Variants in SCN1A observed in about 807,000 individuals in gnomAD.
SCN1A encodes sodium voltage-gated channel alpha subunit 1, also known as sodium channel protein type 1 subunit alpha.
Under a neutral mutation model 193.7 loss-of-function variants are expected in SCN1A, and 13 were observed. The ratio of observed to expected loss-of-function variants is 0.07; its 90% CI spans 0.04 to 0.11. SCN1A has a LOEUF of 0.11. SCN1A is among the 10% of genes least tolerant of loss of function. SCN1A has a pLI of 1.00. For synonymous variants in SCN1A, 781 were observed against 843.6 expected, an observed-to-expected ratio of 0.93 and a Z score of 1.29; for missense variants, 1,432 against 2,451.1, an observed-to-expected ratio of 0.58 and a Z score of 8.78.
intron 21 of SCN1A, among the ~76,000 whole-genome samples, 165 bp downstream of exon 21, chr2:166,013,578 GT>G (rs1692829418): frequency 6.7e-6 from 1 of 149,282 alleles, no homozygotes; most frequent in South Asian, 2.1e-4. Context: ...CATAGTAAAA[GT>G]TAATCCAGAA....
Position 166,009,833 on chromosome 2 carries a change from C to T in SCN1A, c.3888G>A (p.Leu1296=), listed in dbSNP as rs998325208. ...CCAAGGCATTTGCTGTTAAACTGAC[C>T]AATGAAACCTGCACACACAAAAATA... ...WLDFLIVDVS[L]VSLTANALGY... is the part of the protein sequence containing the mutation. The change falls in exon 23 of 29, where the codon TTG becomes TTA. Residue 1296 remains leucine, a synonymous_variant. Transcript: ENST00000674923. 3.1e-6 allele frequency: 5 copies of T among 1,606,056 alleles called. No individual in the cohort carries two copies. The highest frequency in any genetic ancestry group is 3.4e-5 in the Admixed American group (2 of 59,546).
chr2:166,012,897 A>G (rs563655254), intron 21 of SCN1A, among the ~76,000 whole-genome samples: 8 of 151,318 alleles, frequency 5.3e-5, no homozygotes, highest in South Asian at 2.1e-4. Flanking sequence ...CTAAGTATGC[A>G]TTCCTTTCAA....
intron 25 of SCN1A, among the ~76,000 whole-genome samples, chr2:165,998,670 T>G (rs1401502807): frequency 6.6e-6 from 1 of 151,380 alleles, no homozygotes; most frequent in Admixed American, 6.6e-5. Context: ...GACAGTCCAT[T>G]TTATAAATCC....
Position 166,013,804 on chromosome 2 carries a change from A to G in SCN1A, c.3645T>C (p.Val1215=), listed in dbSNP as rs2105610335. The G allele has an allele frequency of 6.2e-7, 1 of 1,612,354 alleles. No individual in the cohort carries two copies. Among genetic ancestry groups the G allele is most frequent in the East Asian group, 2.2e-5 (1 of 44,828 alleles). Residue 1215 remains valine (V), a synonymous_variant, in exon 21 of 29, where the codon GTT becomes GTC. Transcript: ENST00000674923. ...TGAAGGTCTCAAACCAGTTATGTTC[A>G]ACTATTCGGAAACACGTCCTTCTCA... is the stretch of plus-strand genomic sequence containing the variant. The part of the protein sequence containing the change: ...WNLRRTCFRI[V]EHNWFETFIV...
At chr2:166,055,128 A>G (rs1463904977) in intron 6 of SCN1A, among the ~76,000 whole-genome samples, 1 of 151,840 alleles carries the variant, frequency 6.6e-6, no homozygotes, top group Admixed American at 6.6e-5. Context: ...ATTTTCTTTT[A>G]GGGAAAAAAA....
intron 10 of SCN1A, among the ~76,000 whole-genome samples, chr2:166,047,974 T>C (rs1331044247): frequency 6.6e-6 from 1 of 152,166 alleles, no homozygotes; most frequent in Non-Finnish European, 1.5e-5. Context: ...GCAGCATTTC[T>C]AATAATATTT....
intron 2 of SCN1A, among the ~76,000 whole-genome samples, chr2:166,118,298 G>GCTTCTTCTTTTT (rs371947861): frequency 6.7e-5 from 3 of 44,696 alleles, no homozygotes; most frequent in African/African-American, 2.2e-4. Flanking sequence ...TTTCTATTTA[G>GCTTCTTCTTTTT]TTTCTTTTTT....
chr2:165,992,910 A>G lies in SCN1A; in HGVS notation c.4853-488T>C, dbSNP rs1689458479. 6.5e-6 allele frequency: 1 copy of G among 153,216 alleles called. No individual in the cohort carries two copies. Among genetic ancestry groups the G allele is most frequent in the Admixed American group, 6.6e-5 (1 of 15,238 alleles). 9.5% of individuals were successfully genotyped at this position (153,216 alleles called of 1,614,324 possible). On this transcript the variant is annotated intron_variant, in intron 28 of 28. Coordinates refer to ENST00000674923, the MANE Select transcript of SCN1A (RefSeq NM_001165963.4). This position sits in a 1 kb window ranked among gnomAD's most constrained non-coding sequence, Gnocchi z 6.5. ...TTGGTACTTACTTAAATTCCACTCT[A>G]ATATTTTTATATACTCATTTATGTA...
chr2:166,030,838 A>G (rs1695462430), intron 19 of SCN1A, among the ~76,000 whole-genome samples: 1 of 152,082 alleles, frequency 6.6e-6, no homozygotes, highest in African/African-American at 2.4e-5. Flanking sequence ...GAGGATAGAA[A>G]TGTTATAAAA....
intron 19 of SCN1A, among the ~76,000 whole-genome samples, chr2:166,022,891 G>T (rs1349205262): frequency 6.6e-6 from 1 of 152,070 alleles, no homozygotes; most frequent in East Asian, 1.9e-4. Flanking sequence ...TTATACTCAG[G>T]TTTTTTACTA....
chr2:166,032,096 A>G (rs909453079), intron 19 of SCN1A, among the ~76,000 whole-genome samples: 1 of 152,006 alleles, frequency 6.6e-6, no homozygotes, highest in Non-Finnish European at 1.5e-5. Context: ...TGGAAACAAT[A>G]ACATGTTCAA....
At chr2:166,107,186 T>C (rs1011528116) in intron 2 of SCN1A, among the ~76,000 whole-genome samples, 2 of 152,176 alleles carry the variant, frequency 1.3e-5, no homozygotes, top group Non-Finnish European at 2.9e-5. Flanking sequence ...GCAAGTAATC[T>C]TCGAATTCAC....
chr2:166,013,965 C>A, intron 20 of SCN1A, 67 bp from the exon 21 acceptor site: 1 of 1,564,768 alleles, frequency 6.4e-7, no homozygotes, highest in South Asian at 1.1e-5. Context: ...TTAGCAATGT[C>A]CTTGTCTTGT....
intron 19 of SCN1A, among the ~76,000 whole-genome samples, chr2:166,016,941 T>A (rs1354643733): frequency 6.6e-6 from 1 of 151,230 alleles, no homozygotes; most frequent in Non-Finnish European, 1.5e-5. Flanking sequence ...GTGTTGATAT[T>A]TCAGTAAAAG....
At chr2:166,040,881 G>A (rs1433602322) in intron 16 of SCN1A, among the ~76,000 whole-genome samples, 1 of 152,168 alleles carries the variant, frequency 6.6e-6, no homozygotes, top group Non-Finnish European at 1.5e-5. Flanking sequence ...AAGGATAAAA[G>A]AGATCCACAA....
At chr2:166,011,592 C>T (rs1692463038) in intron 22 of SCN1A, among the ~76,000 whole-genome samples, 2 of 151,166 alleles carry the variant, frequency 1.3e-5, no homozygotes, top group South Asian at 4.1e-4. Context: ...CTATTTAAAT[C>T]TACTCTTTAA....
At chr2:166,034,255 G>A (rs1471289291) in intron 19 of SCN1A, among the ~76,000 whole-genome samples, 1 of 152,018 alleles carries the variant, frequency 6.6e-6, no homozygotes, top group Non-Finnish European at 1.5e-5. Context: ...CTAGGGTCAG[G>A]GCAGCTGCTT....
intron 19 of SCN1A, among the ~76,000 whole-genome samples, chr2:166,031,736 T>C (rs1695590492): frequency 6.6e-6 from 1 of 152,142 alleles, no homozygotes; most frequent in Admixed American, 6.6e-5. Context: ...CCAGATATTC[T>C]ATATTAATTA....
chr2:166,108,112 C>A (rs1302086377), intron 2 of SCN1A, among the ~76,000 whole-genome samples: 1 of 151,792 alleles, frequency 6.6e-6, no homozygotes, highest in African/African-American at 2.4e-5. Flanking sequence ...TAATAAAAAA[C>A]CCCAAAGAAC....
Sources: gnomAD v4.1 joint callset for allele counts (sites outside exome capture counted in the v4.1 genomes callset) on GRCh38, gnomAD v4.1.1 for gene constraint, Gnocchi (gnomAD v3.1) non-coding constraint, MANE v1.5 for transcripts, NCBI Gene and HGNC (gene_info 2026-07-23, HGNC 2026-07-21) for gene names.